The following HEATR6 variants were observed in gnomAD, a reference collection of about 807,000 sequenced individuals.
HEATR6 encodes the protein HEAT repeat-containing protein 6.
In HEATR6, 106 loss-of-function variants were observed where a neutral mutation model predicts 132.8. That is an observed-to-expected ratio of 0.80 (90% CI 0.68 to 0.94). HEATR6 has a LOEUF of 0.94. HEATR6 is among the 40% of genes least tolerant of loss of function. The probability of loss-of-function intolerance (pLI) is 0.00; values close to 1 mark genes in which losing one functional copy is unlikely to be tolerated. For synonymous variants in HEATR6, 529 were observed against 537.8 expected, an observed-to-expected ratio of 0.98 and a Z score of 0.23; for missense variants, 1,339 against 1,425.1, an observed-to-expected ratio of 0.94 and a Z score of 0.97.
At chr17:60,047,947 G>A (rs1009107784) in intron 17 of HEATR6, among the ~76,000 whole-genome samples, 4 of 152,014 alleles carry the variant, frequency 2.6e-5, no homozygotes, top group Admixed American at 1.3e-4. Flanking sequence ...ACTACTTTAA[G>A]AAATTTTTTT....
At chr17:60,053,086 G>C (rs1906638393) in intron 14 of HEATR6, among the ~76,000 whole-genome samples, 1 of 152,312 alleles carries the variant, frequency 6.6e-6, no homozygotes, top group Admixed American at 6.5e-5. Context: ...GGGCCTAGAG[G>C]AAGGTTTTTG....
chr17:60,074,194 T>C, intron 2 of HEATR6: 6 of 978,824 alleles, frequency 6.1e-6, no homozygotes, highest in Non-Finnish European at 7.5e-6. Flanking sequence ...TTCAACGCAC[T>C]GAAATTTAAT....
rs141526398 is a variant in HEATR6 at position 60,067,682 on chromosome 17, C to T, written c.990G>A (p.Glu330=). The T allele has an allele frequency of 3.1e-6, 5 of 1,613,310 alleles. No homozygotes were observed. The highest frequency in any genetic ancestry group is 3.4e-6 in the Non-Finnish European group (4 of 1,179,772). The part of the protein sequence containing the change: ...KVKPKKIQQG[E]EEEKESSGEI... ...CACCACTGGATTCCTTTTCCTCCTC[C>T]TCTCCTTGCTGGATTTTCTTTGGTT... The change falls in exon 8 of 20, where the codon GAG becomes GAA. Residue 330 remains glutamate, a synonymous_variant. Coordinates refer to ENST00000184956, the MANE Select transcript of HEATR6 (RefSeq NM_022070.5).
At position 60,059,884 on chromosome 17, in the gene HEATR6, C is replaced by T. The variant is rs777539939; in HGVS notation, c.1623+6G>A. On this transcript the variant is annotated splice_donor_region_variant and intron_variant, in intron 10 of 19. Coordinates refer to ENST00000184956, the MANE Select transcript of HEATR6 (RefSeq NM_022070.5). ...CCTGCTCTGGAACCCACAGTTGGTA[C>T]ATTACCTTAATTATCTGAGTAACGG... is the stretch of plus-strand genomic sequence containing the variant. The T allele has an allele frequency of 1.9e-6, 3 of 1,610,424 alleles. No homozygotes were observed. Among genetic ancestry groups the T allele is most frequent in the African/African-American group, 1.3e-5 (1 of 74,930 alleles).
intron 9 of HEATR6, 47 bp from the exon 10 acceptor site, chr17:60,060,143 C>A: frequency 7.9e-7 from 1 of 1,267,848 alleles, no homozygotes. Flanking sequence ...AATTAGGAGT[C>A]AGATTCCCTT....
At chr17:60,056,348 C>A (rs1906743699) in intron 12 of HEATR6, 111 bp from the exon 13 acceptor site, 5 of 957,244 alleles carry the variant, frequency 5.2e-6, no homozygotes, top group Non-Finnish European at 6.0e-6. Context: ...GGGCTGAAAT[C>A]TGTTGAATGA....
intron 11 of HEATR6, 84 bp from the exon 12 acceptor site, chr17:60,057,487 T>G: frequency 1.1e-6 from 1 of 894,486 alleles, no homozygotes. Context: ...AATTAAAAAT[T>G]AGTAGTTCCT....
At chr17:60,061,066 CGGA>C (rs1568626411) in intron 9 of HEATR6, among the ~76,000 whole-genome samples, 1 of 152,110 alleles carries the variant, frequency 6.6e-6, no homozygotes. Context: ...ACTATTAATA[CGGA>C]ATAATATTGT....
In HEATR6 at chr17:60,059,981, AT is replaced by A; in HGVS notation, c.1531del (p.Met511Ter). ...HRRAFTPFSV[M>X]IACSIRELHR... Reference sequence around the variant, plus strand: ...CAACTCTCTAATGCTGCAAGCGATCATTACGGAGAAGGGGGTAAAAGCCCTT... The same window carrying A: ...CAACTCTCTAATGCTGCAAGCGATCATACGGAGAAGGGGGTAAAAGCCCTT... On this transcript the variant is annotated frameshift_variant, in exon 10 of 20. Coordinates refer to ENST00000184956, the MANE Select transcript of HEATR6 (RefSeq NM_022070.5). 6.2e-7 allele frequency: 1 copy of A among 1,613,950 alleles called. No individual in the cohort carries two copies. Among genetic ancestry groups the A allele is most frequent in the Non-Finnish European group, 8.5e-7 (1 of 1,179,864 alleles).
chr17:60,070,724 T>G lies in HEATR6; in HGVS notation c.783A>C (p.Ala261=), dbSNP rs2083265946. Residue 261 remains alanine, a synonymous_variant, in exon 6 of 20, where the codon GCA becomes GCC. Coordinates refer to ENST00000184956, the MANE Select transcript of HEATR6 (RefSeq NM_022070.5). ...GCCTTACCTTTAGCACAGCTAAAAGTGCTCCAAGTTCATCAGTCTGTGTTA... is the reference window on the plus strand; with the variant it reads ...GCCTTACCTTTAGCACAGCTAAAAGGGCTCCAAGTTCATCAGTCTGTGTTA... ...MKLTQTDELG[A]LLAVLKKFMF... 6.3e-7 allele frequency: 1 copy of G among 1,598,702 alleles called. No individual in the cohort carries two copies.
At chr17:60,056,977 C>T (rs1244931106) in intron 12 of HEATR6, 71 bp downstream of exon 12, 7 of 1,188,846 alleles carry the variant, frequency 5.9e-6, no homozygotes, top group African/African-American at 3.1e-5. Flanking sequence ...TTTACCTGCT[C>T]GCTCCTCACA....
intron 19 of HEATR6, among the ~76,000 whole-genome samples, chr17:60,044,533 C>A (rs1906298775): frequency 6.6e-6 from 1 of 152,220 alleles, no homozygotes; most frequent in African/African-American, 2.4e-5. Flanking sequence ...TGTGTGCAAG[C>A]CACACACTGC....
In HEATR6 at chr17:60,078,870, C is replaced by T. The variant is rs1264593503; in HGVS notation, c.45G>A (p.Pro15=). ...QVVGSWPSVQ[P]REAPREAIPE... is the part of the protein sequence containing the mutation. The stretch of plus-strand genomic sequence containing the variant: ...GGATTGCTTCCCGCGGTGCCTCCCG[C>T]GGCTGCACGGAAGGCCACGAACCGA... The change falls in exon 1 of 20, where the codon CCG becomes CCA. Residue 15 remains proline (P), a synonymous_variant. Coordinates refer to ENST00000184956, the MANE Select transcript of HEATR6 (RefSeq NM_022070.5). The T allele has an allele frequency of 1.3e-6, 2 of 1,571,152 alleles. No homozygotes were observed.
At chr17:60,052,977 A>C (rs141196331) in intron 14 of HEATR6, among the ~76,000 whole-genome samples, 1 of 152,286 alleles carries the variant, frequency 6.6e-6, no homozygotes, top group Non-Finnish European at 1.5e-5. Flanking sequence ...CAACTAGGAA[A>C]CCATGCCTAT....
chr17:60,055,656 C>A, intron 13 of HEATR6, 55 bp from the exon 14 acceptor site: 4 of 1,253,792 alleles, frequency 3.2e-6, no homozygotes, highest in Non-Finnish European at 4.6e-6. Context: ...AATGACTTCA[C>A]TTGAGTAACA....
intron 9 of HEATR6, among the ~76,000 whole-genome samples, chr17:60,060,431 C>T (rs1338386777): frequency 6.6e-6 from 1 of 152,032 alleles, no homozygotes; most frequent in East Asian, 1.9e-4. Context: ...ATGTGTGCCA[C>T]CACACCTGGC....
intron 18 of HEATR6, among the ~76,000 whole-genome samples, chr17:60,046,658 C>T (rs562224976): frequency 1.3e-5 from 2 of 152,226 alleles, no homozygotes; most frequent in African/African-American, 2.4e-5. Flanking sequence ...GTTTTAAAAC[C>T]GATTCGGAGG....
intron 9 of HEATR6, among the ~76,000 whole-genome samples, chr17:60,060,440 G>A (rs2083204268): frequency 6.6e-6 from 1 of 151,850 alleles, no homozygotes; most frequent in Admixed American, 6.6e-5. Flanking sequence ...ACCACACCTG[G>A]CTAAAAAAAA....
intron 19 of HEATR6, among the ~76,000 whole-genome samples, chr17:60,045,452 AC>A (rs1568602514): frequency 6.6e-6 from 1 of 152,216 alleles, no homozygotes; most frequent in Non-Finnish European, 1.5e-5. Flanking sequence ...GTCCTGAATG[AC>A]ATATCAAGGT....
Sources: gnomAD v4.1 joint callset for allele counts (sites outside exome capture counted in the v4.1 genomes callset) on GRCh38, gnomAD v4.1.1 for gene constraint, MANE v1.5 for transcripts, NCBI Gene and HGNC (gene_info 2026-07-23, HGNC 2026-07-21) for gene names.